STAU2: variants seen among roughly 807,000 people sequenced by gnomAD.
STAU2 encodes the protein staufen double-stranded RNA binding protein 2.
Under a neutral mutation model 65.9 loss-of-function variants are expected in STAU2, and 20 were observed. That is an observed-to-expected ratio of 0.30 (90% CI 0.21 to 0.44). The LOEUF is 0.44. Ranked by LOEUF, STAU2 falls within the 20% of genes least tolerant of loss-of-function variation. The pLI is 1.00. For synonymous variants in STAU2, 232 were observed against 233.9 expected (o/e 0.99, Z 0.07); for missense variants, 558 against 683.9 (o/e 0.82, Z 2.05).
intron 13 of STAU2, among the ~76,000 whole-genome samples, chr8:73,502,031 A>T (rs1821788068): frequency 6.6e-6 from 1 of 151,914 alleles, no homozygotes; most frequent in African/African-American, 2.4e-5. Flanking sequence ...TATTCAAAAA[A>T]CCCAGAATCC....
intron 5 of STAU2, among the ~76,000 whole-genome samples, chr8:73,674,215 A>C (rs1014971216): frequency 6.6e-6 from 1 of 151,666 alleles, no homozygotes; most frequent in African/African-American, 2.4e-5. Context: ...GAAAACATGA[A>C]TTTTTTGCAT....
chr8:73,700,559 T>A (rs1820026496), intron 4 of STAU2, among the ~76,000 whole-genome samples: 1 of 151,814 alleles, frequency 6.6e-6, no homozygotes, highest in African/African-American at 2.4e-5. Flanking sequence ...AAAAAAGTAA[T>A]CCCATTTATA....
At chr8:73,596,638 C>T (rs1015218062) in intron 10 of STAU2, among the ~76,000 whole-genome samples, 34 of 152,090 alleles carry the variant, frequency 2.2e-4, no homozygotes, top group African/African-American at 7.5e-4. Context: ...TGTTTGAGGC[C>T]AGGAGTTTGA....
intron 13 of STAU2, among the ~76,000 whole-genome samples, chr8:73,445,061 C>A (rs1818394611): frequency 6.6e-6 from 1 of 152,188 alleles, no homozygotes; most frequent in Admixed American, 6.5e-5. Flanking sequence ...AACCCAACCT[C>A]ATGAATAAAA....
At chr8:73,664,196 C>T (rs186694461) in intron 6 of STAU2, among the ~76,000 whole-genome samples, 1 of 152,094 alleles carries the variant, frequency 6.6e-6, no homozygotes, top group African/African-American at 2.4e-5. Context: ...GGACTAGAGG[C>T]ACACGCCAAC....
rs568399744 is a variant in STAU2 at position 73,650,693 on chromosome 8, C to T, written c.410+22414G>A. On this transcript the variant is annotated intron_variant, in intron 6 of 14. Coordinates refer to ENST00000524300, the MANE Select transcript of STAU2 (RefSeq NM_001164380.2). The stretch of plus-strand genomic sequence containing the variant: ...CAACATTTCTCTGTTGACTTTTGAT[C>T]TACAACTCACAAAAAGGGTGGGTTT... Among the ~76,000 whole-genome samples, 14 of 152,274 alleles carry T rather than the reference C, an allele frequency of 9.2e-5. 1 individual carries two copies. In the South Asian group the frequency reaches 2.9e-3, roughly 32 times the overall value.
intron 12 of STAU2, among the ~76,000 whole-genome samples, chr8:73,569,207 A>C (rs1808851694): frequency 6.6e-6 from 1 of 152,048 alleles, no homozygotes; most frequent in Non-Finnish European, 1.5e-5. Context: ...AGCCTCGCTC[A>C]CTGCTAGCAC....
At chr8:73,746,893 C>T (rs1414855972), upstream of STAU2, 10 of 1,059,372 alleles carry the variant, frequency 9.4e-6, no homozygotes, top group African/African-American at 6.9e-5. Flanking sequence ...CGCCCCCCGC[C>T]TCCGCCCGCC....
chr8:73,582,683 C>A, intron 12 of STAU2, 87 bp downstream of exon 12: 1 of 1,302,514 alleles, frequency 7.7e-7, no homozygotes, highest in Non-Finnish European at 1.1e-6. Flanking sequence ...CTCTCAGACC[C>A]AGACAGACCC....
At chr8:73,489,632 T>C (rs1396618672) in intron 13 of STAU2, among the ~76,000 whole-genome samples, 1 of 152,078 alleles carries the variant, frequency 6.6e-6, no homozygotes, top group African/African-American at 2.4e-5. Flanking sequence ...ATTGTCTACA[T>C]GTAATATTAA....
intron 3 of STAU2, among the ~76,000 whole-genome samples, chr8:73,721,287 CAAAAAAAAAAAA>C (rs35721754): frequency 6.4e-4 from 8 of 12,466 alleles, no homozygotes; most frequent in East Asian, 5.4e-3. Flanking sequence ...ACCCCACCTC[CAAAAAAAAAAAA>C]AAAAAAAAAA....
chr8:73,733,666 A>T (rs1304593510), intron 3 of STAU2, among the ~76,000 whole-genome samples: 2 of 152,226 alleles, frequency 1.3e-5, no homozygotes, highest in African/African-American at 4.8e-5. Flanking sequence ...AATAGATGAC[A>T]GTAGACACAT....
At chr8:73,460,391 G>T (rs1237216516) in intron 13 of STAU2, among the ~76,000 whole-genome samples, 2 of 152,182 alleles carry the variant, frequency 1.3e-5, no homozygotes, top group Non-Finnish European at 2.9e-5. Context: ...CTTAATTCTT[G>T]TTAAACATGT....
chr8:73,626,199 G>C (rs1355667856), intron 6 of STAU2, among the ~76,000 whole-genome samples: 1 of 152,134 alleles, frequency 6.6e-6, no homozygotes, highest in Non-Finnish European at 1.5e-5. Flanking sequence ...GGTGACATTT[G>C]AACACAGATT....
At chr8:73,423,930 G>T (rs114228283) in intron 13 of STAU2, among the ~76,000 whole-genome samples, 104 of 152,122 alleles carry the variant, frequency 6.8e-4, no homozygotes, top group Admixed American at 2.3e-3. Flanking sequence ...TTTACATAAG[G>T]GTTCACTCTG....
chr8:73,714,763 T>C (rs1019891031), intron 3 of STAU2, among the ~76,000 whole-genome samples: 6 of 152,090 alleles, frequency 3.9e-5, no homozygotes, highest in Non-Finnish European at 8.8e-5. Context: ...GAGTTACTTT[T>C]TGTATACAGA....
chr8:73,579,893 T>C (rs1809857818), intron 12 of STAU2, among the ~76,000 whole-genome samples: 1 of 152,200 alleles, frequency 6.6e-6, no homozygotes, highest in South Asian at 2.1e-4. Context: ...TGCAAAACCA[T>C]TTAAACTATT....
chr8:73,435,519 T>C (rs1817621321), intron 13 of STAU2, among the ~76,000 whole-genome samples: 1 of 151,904 alleles, frequency 6.6e-6, no homozygotes, highest in African/African-American at 2.4e-5. Context: ...TAGCACTCCA[T>C]ATTTCTCTCC....
chr8:73,735,874 G>A (rs148333692), intron 3 of STAU2, among the ~76,000 whole-genome samples: 301 of 152,254 alleles, frequency 2.0e-3, no homozygotes, highest in Non-Finnish European at 3.2e-3. Context: ...AGCATAAAAT[G>A]GTCATTTCCA....
Sources: allele counts gnomAD v4.1 joint callset (sites outside exome capture counted in the v4.1 genomes callset), GRCh38; gene constraint gnomAD v4.1.1; transcripts MANE v1.5; gene names NCBI Gene and HGNC (gene_info 2026-07-23, HGNC 2026-07-21).